The following DAB1 variants were observed in gnomAD, a reference collection of about 807,000 sequenced individuals.
DAB1 encodes the protein disabled homolog 1.
DAB1 carries 15 observed loss-of-function variants against 64.6 expected under a neutral mutation model. That is an observed-to-expected ratio of 0.23 (90% CI 0.16 to 0.36). The LOEUF (loss-of-function observed/expected upper bound fraction) is 0.36. Among genes scored for constraint, DAB1 ranks in the 10% least tolerant of loss-of-function variants. The probability of loss-of-function intolerance (pLI) is 1.00; values close to 1 mark genes in which losing one functional copy is unlikely to be tolerated. For missense variants in DAB1, 596 were observed against 706.7 expected (o/e 0.84, Z 1.78); for synonymous variants, 235 against 251.9 (o/e 0.93, Z 0.64).
At chr1:57,699,084 C>T (rs1345905498) in intron 6 of DAB1, among the ~76,000 whole-genome samples, 1 of 152,076 alleles carries the variant, frequency 6.6e-6, no homozygotes, top group East Asian at 1.9e-4. Context: ...ACTACAGGTG[C>T]ATGCCACCAT....
chr1:58,318,165 G>A (rs1662601250), intron 4 of DAB1, among the ~76,000 whole-genome samples: 1 of 152,190 alleles, frequency 6.6e-6, no homozygotes, highest in South Asian at 2.1e-4. Context: ...ATGAGGAGTT[G>A]TGTCCAATTA....
intron 6 of DAB1, among the ~76,000 whole-genome samples, chr1:57,804,685 T>C (rs1391833446): frequency 2.6e-5 from 4 of 152,226 alleles, no homozygotes; most frequent in Non-Finnish European, 5.9e-5. Context: ...TTGCTTTGGA[T>C]GATTAAGAGT....
intron 7 of DAB1, 90 bp from the exon 8 acceptor site, chr1:57,069,515 C>T (rs527728405): frequency 1.8e-5 from 19 of 1,044,132 alleles, no homozygotes; most frequent in African/African-American, 1.1e-4. Context: ...CAAATCACAG[C>T]GAGCATTAAC....
chr1:58,008,006 G>A (rs1412402912), intron 5 of DAB1, among the ~76,000 whole-genome samples: 2 of 151,954 alleles, frequency 1.3e-5, no homozygotes, highest in Non-Finnish European at 2.9e-5. Context: ...TTAGGCATGT[G>A]GCATACAAAT....
intron 6 of DAB1, among the ~76,000 whole-genome samples, chr1:57,652,333 CCAAT>C (rs1017024295): frequency 1.3e-5 from 2 of 152,262 alleles, no homozygotes; most frequent in African/African-American, 4.8e-5. Flanking sequence ...GATTGCACCC[CCAAT>C]CAATCAGCAG....
chr1:57,618,179 C>G (rs962038177), intron 7 of DAB1, among the ~76,000 whole-genome samples: 29 of 152,262 alleles, frequency 1.9e-4, no homozygotes, highest in African/African-American at 7.0e-4. Context: ...CTTTGGGAGG[C>G]CGAGGTGGGT....
At chr1:57,919,074 C>G (rs1644773385) in intron 5 of DAB1, among the ~76,000 whole-genome samples, 1 of 152,150 alleles carries the variant, frequency 6.6e-6, no homozygotes, top group South Asian at 2.1e-4. Flanking sequence ...GTAAGAGAGA[C>G]CTCAATTTGA....
At chr1:57,273,472 G>A (rs1424794904) in intron 2 of DAB1, among the ~76,000 whole-genome samples, 2 of 152,204 alleles carry the variant, frequency 1.3e-5, no homozygotes, top group Non-Finnish European at 2.9e-5. Flanking sequence ...AGACCTGGCT[G>A]AAGTTGCCTT....
chr1:57,986,738 C>A (rs1253772780), intron 5 of DAB1, among the ~76,000 whole-genome samples: 2 of 152,188 alleles, frequency 1.3e-5, no homozygotes, highest in Non-Finnish European at 2.9e-5. Flanking sequence ...TTTCTTGAGA[C>A]TAACTCCAAA....
chr1:57,072,199 T>C (rs1651544814), intron 5 of DAB1, 84 bp downstream of exon 5: 1 of 1,438,182 alleles, frequency 7.0e-7, no homozygotes, highest in South Asian at 1.2e-5. Context: ...TATCTGAGAG[T>C]GGGCCCTCAA....
At chr1:57,076,250 C>T (rs943789657) in intron 4 of DAB1, among the ~76,000 whole-genome samples, 3 of 152,136 alleles carry the variant, frequency 2.0e-5, no homozygotes, top group East Asian at 1.9e-4. Context: ...CAGAGAATAC[C>T]GGCCGGAGTG....
chr1:58,520,799 A>G (rs1458485446), intron 2 of DAB1, among the ~76,000 whole-genome samples: 1 of 152,186 alleles, frequency 6.6e-6, no homozygotes, highest in African/African-American at 2.4e-5. Context: ...GATACTTTTA[A>G]GATGTACACG....
At chr1:57,433,998 ATAAT>A (rs2101119691) in intron 7 of DAB1, among the ~76,000 whole-genome samples, 1 of 152,256 alleles carries the variant, frequency 6.6e-6, no homozygotes, top group South Asian at 2.1e-4. Flanking sequence ...GAAACATTAA[ATAAT>A]TAATGAGGAT....
chr1:58,127,717 A>C (rs1009764808), intron 5 of DAB1, among the ~76,000 whole-genome samples: 1 of 151,822 alleles, frequency 6.6e-6, no homozygotes, highest in African/African-American at 2.4e-5. Flanking sequence ...TAAATAGGGA[A>C]TCCTTTCCCC....
chr1:57,614,868 C>CT (rs34907824), intron 7 of DAB1, among the ~76,000 whole-genome samples: 1,671 of 38,712 alleles, frequency 0.043, 88 homozygotes, highest in African/African-American at 0.086. Context: ...TTCTTTCTTT[C>CT]TTTTTTTTTT....
At chr1:58,215,905 C>G (rs1658824317) in intron 4 of DAB1, among the ~76,000 whole-genome samples, 1 of 152,166 alleles carries the variant, frequency 6.6e-6, no homozygotes, top group African/African-American at 2.4e-5. Flanking sequence ...TTAACCACAG[C>G]ACCCATCACA....
At chr1:57,408,205 C>G (rs1199932415) in intron 1 of DAB1, among the ~76,000 whole-genome samples, 1 of 152,196 alleles carries the variant, frequency 6.6e-6, no homozygotes. Context: ...TTCATTCTCC[C>G]TACTTCATGT....
chr1:57,128,006 G>T (rs983178130), intron 4 of DAB1, among the ~76,000 whole-genome samples: 1 of 151,938 alleles, frequency 6.6e-6, no homozygotes. Flanking sequence ...AAATTAGCCG[G>T]CATGGTGGGA....
rs1368407298 is a variant in DAB1, at chr1:58,025,709, G to C, written n.387+124802C>G. 2.9e-5 allele frequency among the ~76,000 whole-genome samples: 4 copies of C among 137,682 alleles called. No individual in the cohort carries two copies. The East Asian group carries it at 8.4e-4, about 29-fold the overall frequency. 90.3% of individuals were successfully genotyped at this position (137,682 alleles called of 152,430 possible). ...TATGGCCTTTAATCATAAATTTAGA[G>C]TAAAGTTATTTTGAATTCAACCCTG... On this transcript the variant is annotated intron_variant and non_coding_transcript_variant, in intron 5 of 20. Transcript: ENST00000485760.
Sources: gnomAD v4.1 joint callset for allele counts (sites outside exome capture counted in the v4.1 genomes callset) on GRCh38, gnomAD v4.1.1 for gene constraint, MANE v1.5 for transcripts, NCBI Gene and HGNC (gene_info 2026-07-23, HGNC 2026-07-21) for gene names.